The following C8B variants were observed in gnomAD, a reference collection of about 807,000 sequenced individuals.
The protein encoded by C8B is complement C8 beta chain, also known as complement component C8 beta chain.
Under a neutral mutation model 64.6 loss-of-function variants are expected in C8B, and 67 were observed. The ratio of observed to expected loss-of-function variants is 1.04; its 90% confidence interval spans 0.85 to 1.27. The LOEUF is 1.27. Among genes scored for constraint, C8B ranks in the 50% most tolerant of loss-of-function variants. C8B has a pLI of 0.00. For missense variants in C8B, 790 were observed against 725.2 expected, an observed-to-expected ratio of 1.09 and a Z score of -1.03; for synonymous variants, 284 against 257.7, an observed-to-expected ratio of 1.10 and a Z score of -0.98.
intron 10 of C8B, among the ~76,000 whole-genome samples, 164 bp downstream of exon 10, chr1:56,933,171 G>A (rs1000255209): frequency 2.0e-5 from 3 of 152,122 alleles, no homozygotes; most frequent in South Asian, 2.1e-4. Context: ...TGTCACCCAC[G>A]GTAACCCTTG....
intron 9 of C8B, among the ~76,000 whole-genome samples, chr1:56,937,503 G>A (rs886679166): frequency 6.6e-6 from 1 of 152,064 alleles, no homozygotes; most frequent in Admixed American, 6.6e-5. Flanking sequence ...TCTGCCCTGG[G>A]CAATGCCAAT....
chr1:56,963,098 C>T (rs1312082174), intron 1 of C8B, among the ~76,000 whole-genome samples: 1 of 152,124 alleles, frequency 6.6e-6, no homozygotes, highest in African/African-American at 2.4e-5. Context: ...GAACATGTGC[C>T]CCCTCTACTT....
intron 2 of C8B, 27 bp from the exon 3 acceptor site, chr1:56,956,937 C>T: frequency 1.2e-6 from 2 of 1,613,654 alleles, no homozygotes; most frequent in Non-Finnish European, 8.5e-7. Context: ...CCAGGTGAAC[C>T]AAGGGTAAAG....
At chr1:56,942,904 T>C (rs904231893) in intron 8 of C8B, among the ~76,000 whole-genome samples, 3 of 151,400 alleles carry the variant, frequency 2.0e-5, no homozygotes, top group African/African-American at 7.3e-5. Flanking sequence ...ACCCTGTCTC[T>C]GTAAAAAATA....
In C8B at chr1:56,943,796, A is replaced by C. The variant is rs554388260; in HGVS notation, c.1134T>G (p.Cys378Trp). The change falls in exon 8 of 12, where the codon TGT (cysteine) becomes TGG (tryptophan). Residue 378 changes from cysteine (C) to tryptophan (W), a missense_variant. Physicochemically the swap from Cys to Trp is radical, Grantham distance 215. Coordinates refer to ENST00000371237, the MANE Select transcript of C8B (RefSeq NM_000066.4). Reference sequence around the variant, plus strand: ...CACCAATTTTAAAATCATTTTTGGCACAGGCATGGACGTTGTTAAGAGTAT... The same window carrying C: ...CACCAATTTTAAAATCATTTTTGGCCCAGGCATGGACGTTGTTAAGAGTAT... ...GDYTLNNVHACAKNDFKIGGA... is the reference protein window; with the variant it reads ...GDYTLNNVHAWAKNDFKIGGA... 6.2e-7 allele frequency: 1 copy of C among 1,614,112 alleles called. No homozygotes were observed. Among genetic ancestry groups the C allele is most frequent in the Non-Finnish European group, 8.5e-7 (1 of 1,179,988 alleles).
In C8B at chr1:56,946,046, G is replaced by A. The variant is rs1644937027; in HGVS notation, c.880C>T (p.His294Tyr). 6.2e-7 allele frequency: 1 copy of A among 1,613,988 alleles called. No individual in the cohort carries two copies. Among genetic ancestry groups the A allele is most frequent in the South Asian group, 1.1e-5 (1 of 91,086 alleles). ...RFSHTKSVFL[H>Y]ARSDLEVAHY... ...GCTACTTCAAGGTCAGAGCGTGCAT[G>A]CAGAAATACGCTTTTCTAAATGAAA... Residue 294 changes from histidine to tyrosine, a missense_variant, in exon 7 of 12, where the codon CAT becomes TAT. Physicochemically the swap from His to Tyr is moderately conservative, Grantham distance 83. Transcript: ENST00000371237.
In C8B at chr1:56,945,800, A is replaced by G. The variant is rs773628114; in HGVS notation, c.1105+21T>C. The G allele has an allele frequency of 1.5e-5, 25 of 1,613,986 alleles. No homozygotes were observed. The Admixed American group carries it at 3.8e-4, about 25-fold the overall frequency. Reference sequence around the variant, plus strand: ...TCTTCCCCCAGCTTTTAGGAAAGCCATGGTCCCTTGGGCAGTATACCTCCT... The same window carrying G: ...TCTTCCCCCAGCTTTTAGGAAAGCCGTGGTCCCTTGGGCAGTATACCTCCT... On this transcript the variant is annotated intron_variant, in intron 7 of 11. Transcript: ENST00000371237.
At chr1:56,942,940 A>G (rs1476580787) in intron 8 of C8B, among the ~76,000 whole-genome samples, 2 of 151,422 alleles carry the variant, frequency 1.3e-5, no homozygotes, top group Admixed American at 1.3e-4. Context: ...AATAATAATA[A>G]TAATAATTAG....
intron 2 of C8B, among the ~76,000 whole-genome samples, chr1:56,958,967 T>C (rs1278784892): frequency 6.6e-6 from 1 of 151,956 alleles, no homozygotes; most frequent in African/African-American, 2.4e-5. Flanking sequence ...TTCTCAGAAG[T>C]AGGATCCTGG....
At chr1:56,960,413 T>C (rs1470009090) in intron 1 of C8B, among the ~76,000 whole-genome samples, 1 of 152,232 alleles carries the variant, frequency 6.6e-6, no homozygotes, top group Non-Finnish European at 1.5e-5. Context: ...GGTTAATTAA[T>C]CCAACAAATA....
intron 2 of C8B, among the ~76,000 whole-genome samples, chr1:56,957,828 G>A (rs978443807): frequency 1.3e-5 from 2 of 152,100 alleles, no homozygotes; most frequent in African/African-American, 4.8e-5. Context: ...GAGGCAGAGT[G>A]CTTTGCACAC....
chr1:56,943,835 C>T lies in C8B; in HGVS notation c.1106-11G>A. The T allele has an allele frequency of 5.6e-6, 9 of 1,613,770 alleles. No individual in the cohort carries two copies. The highest frequency in any genetic ancestry group is 7.6e-6 in the Non-Finnish European group (9 of 1,179,840). ...TGTTAAGAGTATAATCTGAAGAAAA[C>T]AAGGAAAAAGGTCCATGACGTAAAA... On this transcript the variant is annotated splice_polypyrimidine_tract_variant and intron_variant, in intron 7 of 11. Transcript: ENST00000371237.
In C8B at chr1:56,954,801, AAAG is replaced by A. The variant is rs1557740367; in HGVS notation, c.415_417del (p.Leu139del). The stretch of plus-strand genomic sequence containing the variant: ...TCTCCACAGTCATTGTCCCCATTGC[AAAG>A]AAGTCTGCGGTTTACACACCTTCCT... On this transcript the variant is annotated inframe_deletion, in exon 4 of 12. Coordinates refer to ENST00000371237, the MANE Select transcript of C8B (RefSeq NM_000066.4). 6.2e-7 allele frequency: 1 copy of A among 1,614,040 alleles called. No homozygotes were observed. Among genetic ancestry groups the A allele is most frequent in the Non-Finnish European group, 8.5e-7 (1 of 1,180,012 alleles).
At chr1:56,947,763 C>A (rs1005907485) in intron 6 of C8B, among the ~76,000 whole-genome samples, 6 of 150,766 alleles carry the variant, frequency 4.0e-5, no homozygotes, top group Non-Finnish European at 8.8e-5. Context: ...AACCCCGTCT[C>A]TACTAAAAAT....
At chr1:56,956,722 T>C (rs766218381) in intron 3 of C8B, 47 bp downstream of exon 3, 13 of 1,607,526 alleles carry the variant, frequency 8.1e-6, no homozygotes, top group Non-Finnish European at 1.1e-5. Flanking sequence ...TCAAGAACCA[T>C]TACCTCATTT....
intron 6 of C8B, 136 bp from the exon 7 acceptor site, chr1:56,946,197 G>C: frequency 1.0e-6 from 1 of 976,844 alleles, no homozygotes. Flanking sequence ...GATACTTGAG[G>C]GAAGACAGCC....
intron 6 of C8B, among the ~76,000 whole-genome samples, chr1:56,946,284 C>T (rs1172730054): frequency 6.6e-6 from 1 of 152,126 alleles, no homozygotes; most frequent in Non-Finnish European, 1.5e-5. Flanking sequence ...TAACTCACCT[C>T]CTTACTGTAG....
At chr1:56,953,449 G>C (rs1357737114) in intron 4 of C8B, among the ~76,000 whole-genome samples, 2 of 152,186 alleles carry the variant, frequency 1.3e-5, no homozygotes, top group Non-Finnish European at 2.9e-5. Flanking sequence ...TCATTAGGAG[G>C]TTAGTATTAC....
Position 56,954,782 on chromosome 1 carries a change from C to T in C8B, c.437G>A (p.Cys146Tyr), listed in dbSNP as rs1313836623. 2 of 1,614,172 alleles carry T rather than the reference C, an allele frequency of 1.2e-6. No homozygotes were observed. The highest frequency in any genetic ancestry group is 1.1e-5 in the South Asian group (1 of 91,088). ...RRLLCNGDND[C>Y]GDQSDEANCR... ...GTTTGCTTCATCTGACTGGTCTCCA[C>T]AGTCATTGTCCCCATTGCAAAGAAG... Residue 146 changes from cysteine (C) to tyrosine (Y), a missense_variant, in exon 4 of 12, where the codon TGT (cysteine) becomes TAT (tyrosine). Coordinates refer to ENST00000371237, the MANE Select transcript of C8B (RefSeq NM_000066.4).
Sources: allele counts gnomAD v4.1 joint callset (sites outside exome capture counted in the v4.1 genomes callset), GRCh38; gene constraint gnomAD v4.1.1; transcripts MANE v1.5; gene names NCBI Gene and HGNC (gene_info 2026-07-23, HGNC 2026-07-21).